Variants in SERGEF observed in about 807,000 individuals in gnomAD.
SERGEF encodes secretion-regulating guanine nucleotide exchange factor.
Under a neutral mutation model 50.0 loss-of-function variants are expected in SERGEF, and 51 were observed. The ratio of observed to expected loss-of-function variants is 1.02; its 90% CI spans 0.81 to 1.29. The LOEUF (loss-of-function observed/expected upper bound fraction) is 1.29. Among genes scored for constraint, SERGEF ranks in the 50% most tolerant of loss-of-function variants. The pLI is 0.00. For synonymous variants in SERGEF, 205 were observed against 212.4 expected (o/e 0.97, Z 0.30); for missense variants, 521 against 557.0 (o/e 0.94, Z 0.65).
At chr11:17,788,506 A>G in intron 10 of SERGEF, 93 bp from the exon 11 acceptor site, 1 of 1,080,442 alleles carries the variant, frequency 9.3e-7, no homozygotes, top group Non-Finnish European at 1.3e-6. Flanking sequence ...CATAAACCCC[A>G]GTTCACTCAG....
chr11:17,845,172 T>C (rs931190133), intron 10 of SERGEF, among the ~76,000 whole-genome samples: 7 of 152,200 alleles, frequency 4.6e-5, no homozygotes, highest in Admixed American at 3.9e-4. Context: ...TAACTGCTTG[T>C]TCGAGAACTC....
intron 10 of SERGEF, among the ~76,000 whole-genome samples, chr11:17,871,086 T>A (rs547500029): frequency 3.9e-5 from 6 of 152,164 alleles, no homozygotes; most frequent in Non-Finnish European, 8.8e-5. Flanking sequence ...AAAGAAGACA[T>A]AAGAATACTT....
In SERGEF at chr11:17,959,642, A is replaced by G. The variant is rs1285763749; in HGVS notation, c.845-6T>C. 3 of 1,607,444 alleles carry G rather than the reference A, an allele frequency of 1.9e-6. No individual in the cohort carries two copies. Among genetic ancestry groups the G allele is most frequent in the Middle Eastern group, 1.7e-4 (1 of 6,030 alleles). ...GGTAAACATCTTGCCAGTTTCTAAA[A>G]ACAAATATTATTTGAATTAAGACTA... On this transcript the variant is annotated splice_polypyrimidine_tract_variant and splice_region_variant and intron_variant, in intron 8 of 10. Transcript: ENST00000265965.
intron 10 of SERGEF, among the ~76,000 whole-genome samples, chr11:17,832,331 A>AC (rs1377111189): frequency 3.9e-5 from 6 of 152,188 alleles, no homozygotes; most frequent in South Asian, 2.1e-4. Flanking sequence ...TTTGCCTGCA[A>AC]CCATGCACAT....
chr11:17,810,190 G>C (rs1849842108), intron 10 of SERGEF, among the ~76,000 whole-genome samples: 1 of 152,190 alleles, frequency 6.6e-6, no homozygotes, highest in South Asian at 2.1e-4. Context: ...AAGCCCCTGA[G>C]GATTAGGGCC....
At chr11:17,912,033 G>C (rs1160819667) in intron 9 of SERGEF, among the ~76,000 whole-genome samples, 1 of 152,180 alleles carries the variant, frequency 6.6e-6, no homozygotes, top group African/African-American at 2.4e-5. Flanking sequence ...CTTGGTAAGT[G>C]GAGGTGGGAA....
At chr11:17,794,237 AAGAC>A (rs1849534741) in intron 10 of SERGEF, among the ~76,000 whole-genome samples, 1 of 152,188 alleles carries the variant, frequency 6.6e-6, no homozygotes, top group Admixed American at 6.5e-5. Context: ...TTTTCCTTAA[AAGAC>A]AGATGGCATA....
chr11:17,944,869 A>C (rs1852627928), intron 9 of SERGEF, among the ~76,000 whole-genome samples: 1 of 152,228 alleles, frequency 6.6e-6, no homozygotes, highest in Admixed American at 6.5e-5. Flanking sequence ...ACCGACACAG[A>C]ATTAAAAGAT....
intron 9 of SERGEF, among the ~76,000 whole-genome samples, chr11:17,909,899 G>A (rs1322847638): frequency 6.6e-6 from 1 of 152,210 alleles, no homozygotes; most frequent in African/African-American, 2.4e-5. Context: ...AGTTAGGGGA[G>A]TTGCATCCAC....
chr11:17,832,613 TGTG>T (rs1280424177), intron 10 of SERGEF, among the ~76,000 whole-genome samples: 3 of 151,880 alleles, frequency 2.0e-5, no homozygotes, highest in Admixed American at 6.6e-5. Flanking sequence ...GACAGGAAAA[TGTG>T]GGGAAAGTTT....
chr11:17,908,652 C>T (rs1021063696), intron 9 of SERGEF, among the ~76,000 whole-genome samples: 4 of 152,082 alleles, frequency 2.6e-5, no homozygotes, highest in Admixed American at 2.0e-4. Flanking sequence ...CATCAGTATT[C>T]AGAAAACAGT....
intron 10 of SERGEF, among the ~76,000 whole-genome samples, chr11:17,840,156 G>C (rs899797445): frequency 6.6e-6 from 1 of 152,210 alleles, no homozygotes; most frequent in Admixed American, 6.5e-5. Context: ...TTGTTCCACT[G>C]ACATAGAGAA....
intron 4 of SERGEF, among the ~76,000 whole-genome samples, chr11:18,003,428 G>A (rs892469174): frequency 2.0e-5 from 3 of 152,200 alleles, no homozygotes; most frequent in African/African-American, 7.2e-5. Context: ...CCTACACATA[G>A]CTCTTGAAAA....
At chr11:17,971,609 C>T (rs886961798) in intron 8 of SERGEF, among the ~76,000 whole-genome samples, 14 of 152,260 alleles carry the variant, frequency 9.2e-5, no homozygotes, top group South Asian at 2.1e-4. Flanking sequence ...AAAATGTTAC[C>T]GCTCATTGAC....
At chr11:17,878,979 G>C (rs1279277131) in intron 9 of SERGEF, among the ~76,000 whole-genome samples, 3 of 152,158 alleles carry the variant, frequency 2.0e-5, no homozygotes, top group Non-Finnish European at 4.4e-5. Flanking sequence ...CAACCATCTT[G>C]TTGCCTTTTA....
intron 9 of SERGEF, among the ~76,000 whole-genome samples, chr11:17,915,440 A>C (rs1468692257): frequency 7.2e-5 from 11 of 152,232 alleles, no homozygotes; most frequent in Non-Finnish European, 1.3e-4. Context: ...CCAAGGTCAC[A>C]GAAGAAATCA....
chr11:17,995,852 C>A lies in SERGEF; in HGVS notation c.566G>T (p.Cys189Phe). The change falls in exon 6 of 11, where the codon TGC becomes TTC. Residue 189 changes from cysteine to phenylalanine, a missense_variant. Coordinates refer to ENST00000265965, the MANE Select transcript of SERGEF (RefSeq NM_012139.4). ...TGLASCGRRL[C>F]PGQTLPLFFT... ...AAACAATGGAAGAGTCTGCCCAGGG[C>A]ACAACCGTCGTCCACATGATGCCAA... 6.2e-7 allele frequency: 1 copy of A among 1,614,106 alleles called. No homozygotes were observed. The highest frequency in any genetic ancestry group is 8.5e-7 in the Non-Finnish European group (1 of 1,179,994).
At chr11:17,882,914 A>T (rs780403613) in intron 9 of SERGEF, among the ~76,000 whole-genome samples, 3 of 152,168 alleles carry the variant, frequency 2.0e-5, no homozygotes, top group Non-Finnish European at 4.4e-5. Flanking sequence ...CAGTTACAGG[A>T]AACAGGACCC....
chr11:17,953,993 T>TG (rs1852816664), intron 9 of SERGEF, among the ~76,000 whole-genome samples: 1 of 152,224 alleles, frequency 6.6e-6, no homozygotes, highest in African/African-American at 2.4e-5. Flanking sequence ...AAACCATCTT[T>TG]GGGTGCACAC....
Sources: gnomAD v4.1 joint callset for allele counts (sites outside exome capture counted in the v4.1 genomes callset) on GRCh38, gnomAD v4.1.1 for gene constraint, MANE v1.5 for transcripts, NCBI Gene and HGNC (gene_info 2026-07-23, HGNC 2026-07-21) for gene names.